The following COL4A3 variants were observed in gnomAD, a reference collection of about 807,000 sequenced individuals.
COL4A3 encodes the protein collagen alpha-3(IV) chain.
Under a neutral mutation model 217.4 loss-of-function variants are expected in COL4A3, and 135 were observed. The ratio of observed to expected loss-of-function variants is 0.62; its 90% CI spans 0.54 to 0.72. The LOEUF (loss-of-function observed/expected upper bound fraction) is 0.72, where lower values mean the gene tolerates loss of function less well. Among genes scored for constraint, COL4A3 ranks in the 30% least tolerant of loss-of-function variants. The pLI is 0.00. For synonymous variants in COL4A3, 690 were observed against 736.3 expected (o/e 0.94, Z 1.02); for missense variants, 1,868 against 2,119.9 (o/e 0.88, Z 2.33).
At chr2:227,222,116 C>G (rs1187233073) in intron 1 of COL4A3, among the ~76,000 whole-genome samples, 1 of 136,842 alleles carries the variant, frequency 7.3e-6, no homozygotes, top group Non-Finnish European at 1.5e-5. Flanking sequence ...TACGGAGACA[C>G]TGTCTCTAAT....
Position 227,312,123 on chromosome 2 carries a change from C to A in COL4A3, c.*253C>A. The stretch of plus-strand genomic sequence containing the variant: ...ACTATTCACAAAATATCACCAAAAA[C>A]CTATTCCACTTACATCCAAGGCACT... On this transcript the variant is annotated 3_prime_UTR_variant, in exon 52 of 52. Coordinates refer to ENST00000396578, the MANE Select transcript of COL4A3 (RefSeq NM_000091.5). The A allele has an allele frequency of 2.0e-6, 1 of 509,152 alleles. No individual in the cohort carries two copies. Among genetic ancestry groups the A allele is most frequent in the Non-Finnish European group, 3.5e-6 (1 of 286,220 alleles). 31.5% of individuals were successfully genotyped at this position (509,152 alleles called of 1,614,324 possible). A position where few individuals can be genotyped will look rare whatever the true frequency, so the allele number is the denominator to read the frequency against.
In COL4A3 at chr2:227,191,151, C is replaced by G. The variant is rs2066225081; in HGVS notation, c.87+26338C>G. 2.6e-5 allele frequency among the ~76,000 whole-genome samples: 4 copies of G among 152,020 alleles called. No homozygotes were observed. Among genetic ancestry groups the G allele is most frequent in the Admixed American group, 2.0e-4 (3 of 15,252 alleles). ...ACAATTTTTGACATTTAAATTTTCT[C>G]AACCACTTTGCTCTTTTTGGATACT... On this transcript the variant is annotated intron_variant, in intron 1 of 51. Transcript: ENST00000396578. The surrounding 1 kb of genome is among the most constrained non-coding windows in gnomAD (Gnocchi z 6.8).
intron 1 of COL4A3, among the ~76,000 whole-genome samples, chr2:227,187,548 T>C (rs1382255141): frequency 6.6e-6 from 1 of 152,196 alleles, no homozygotes; most frequent in East Asian, 1.9e-4. Context: ...TCTGTAAGTA[T>C]ACACCCTTAA....
chr2:227,210,117 G>A (rs1272732818), intron 1 of COL4A3, among the ~76,000 whole-genome samples: 1 of 152,184 alleles, frequency 6.6e-6, no homozygotes, highest in Non-Finnish European at 1.5e-5. Flanking sequence ...TTATTTATGA[G>A]TTTACCTTTG....
Position 227,307,977 on chromosome 2 carries a change from T to C in COL4A3, c.4462+58T>C, listed in dbSNP as rs1258374391. On this transcript the variant is annotated intron_variant, in intron 48 of 51. Transcript: ENST00000396578. Reference sequence around the variant, plus strand: ...GTTCCACATGCAGATTGTAAATCTTTATAGCCTAGGATGCTTCCCTCTGAA... The same window carrying C: ...GTTCCACATGCAGATTGTAAATCTTCATAGCCTAGGATGCTTCCCTCTGAA... 2.0e-6 allele frequency: 3 copies of C among 1,476,832 alleles called. No individual in the cohort carries two copies. In the African/African-American group the frequency reaches 4.2e-5, roughly 20 times the overall value. The allele number at this position is 1,476,832 out of a possible 1,614,324, so 91.5% of individuals were successfully genotyped here.
At chr2:227,176,337 T>C (rs2065672622) in intron 1 of COL4A3, among the ~76,000 whole-genome samples, 1 of 152,360 alleles carries the variant, frequency 6.6e-6, no homozygotes, top group South Asian at 2.1e-4. Context: ...GTCGGTATTG[T>C]ATATGTATGA....
intron 48 of COL4A3, among the ~76,000 whole-genome samples, chr2:227,308,198 T>C (rs886522629): frequency 3.3e-5 from 5 of 152,142 alleles, no homozygotes; most frequent in African/African-American, 1.2e-4. Flanking sequence ...CATTTATCTT[T>C]TTGGTGCTTT....
At chr2:227,269,007 G>T (rs561490618) in intron 23 of COL4A3, among the ~76,000 whole-genome samples, 24 of 152,152 alleles carry the variant, frequency 1.6e-4, no homozygotes, top group African/African-American at 5.5e-4. Flanking sequence ...CAGTAAAATG[G>T]TTTGGATCAC....
chr2:227,248,280 G>A (rs1344230775), intron 8 of COL4A3, 163 bp from the exon 9 acceptor site: 8 of 666,042 alleles, frequency 1.2e-5, no homozygotes, highest in Admixed American at 4.2e-5. Flanking sequence ...AAAATGCTTT[G>A]AATTCTTCAT....
At chr2:227,268,634 T>A (rs1412898683) in intron 23 of COL4A3, 1 of 152,162 alleles carries the variant, frequency 6.6e-6, no homozygotes, top group Non-Finnish European at 1.5e-5. Context: ...TCACTTCTCC[T>A]TTATGAAGGC....
At chr2:227,260,143 G>C in intron 19 of COL4A3, 1 of 616,868 alleles carries the variant, frequency 1.6e-6, no homozygotes, top group Non-Finnish European at 3.0e-6. Context: ...TGGAGGGCAG[G>C]AGGAGGGAGT....
chr2:227,249,342 T>C (rs1034724184), intron 9 of COL4A3, among the ~76,000 whole-genome samples: 2 of 144,794 alleles, frequency 1.4e-5, no homozygotes, highest in Admixed American at 1.4e-4. Context: ...TTCAAGCAAT[T>C]CTCCTGCCTC....
At position 227,298,629 on chromosome 2, in the gene COL4A3, G is replaced by A; in HGVS notation, c.3752-53G>A. 3.1e-6 allele frequency: 5 copies of A among 1,610,438 alleles called. No homozygotes were observed. In the South Asian group the frequency reaches 4.4e-5, roughly 14 times the overall value. Reference sequence around the variant, plus strand: ...CATTAGAAACAATCACTGATAAATAGAACCTTCCAAGCTCCCTGGCTGGCA... The same window carrying A: ...CATTAGAAACAATCACTGATAAATAAAACCTTCCAAGCTCCCTGGCTGGCA... On this transcript the variant is annotated intron_variant, in intron 42 of 51. Coordinates refer to ENST00000396578, the MANE Select transcript of COL4A3 (RefSeq NM_000091.5).
chr2:227,272,072 T>C (rs2071274591), intron 25 of COL4A3, among the ~76,000 whole-genome samples: 1 of 152,242 alleles, frequency 6.6e-6, no homozygotes, highest in South Asian at 2.1e-4. Flanking sequence ...AAACCCTTTT[T>C]GGCTGGCAGC....
intron 1 of COL4A3, among the ~76,000 whole-genome samples, chr2:227,175,713 G>T (rs557512222): frequency 6.6e-6 from 1 of 152,218 alleles, no homozygotes; most frequent in Non-Finnish European, 1.5e-5. Context: ...TAAATAGGGT[G>T]CAATAAGTCC....
At chr2:227,306,425 C>G (rs543860706) in intron 47 of COL4A3, among the ~76,000 whole-genome samples, 1 of 152,178 alleles carries the variant, frequency 6.6e-6, no homozygotes, top group African/African-American at 2.4e-5. Context: ...AATTCCTGTG[C>G]AGAGATGAGG....
intron 1 of COL4A3, among the ~76,000 whole-genome samples, chr2:227,171,495 T>C (rs2065470985): frequency 6.6e-6 from 1 of 152,004 alleles, no homozygotes; most frequent in South Asian, 2.1e-4. Context: ...ACGTGTATGA[T>C]GGAACAAAAT....
intron 17 of COL4A3, among the ~76,000 whole-genome samples, chr2:227,256,788 T>C (rs2070207180): frequency 6.6e-6 from 1 of 152,258 alleles, no homozygotes; most frequent in Non-Finnish European, 1.5e-5. Flanking sequence ...AGTTGTGAAC[T>C]GTATTCTGCC....
intron 28 of COL4A3, among the ~76,000 whole-genome samples, chr2:227,279,087 T>A (rs897691600): frequency 2.0e-5 from 3 of 151,642 alleles, no homozygotes; most frequent in African/African-American, 7.3e-5. Context: ...ATCTTTTTTT[T>A]TTTTTTTGAG....
Sources: allele counts gnomAD v4.1 joint callset (sites outside exome capture counted in the v4.1 genomes callset), GRCh38; gene constraint gnomAD v4.1.1; non-coding constraint Gnocchi (gnomAD v3.1); transcripts MANE v1.5; gene names NCBI Gene and HGNC (gene_info 2026-07-23, HGNC 2026-07-21).